The following PPP2R5E variants were observed in gnomAD, a reference collection of about 807,000 sequenced individuals.
PPP2R5E encodes the protein protein phosphatase 2 regulatory subunit B'epsilon, also known as serine/threonine-protein phosphatase 2A 56 kDa regulatory subunit epsilon isoform.
PPP2R5E carries 4 observed loss-of-function variants against 65.3 expected under a neutral mutation model. The observed-to-expected ratio is 0.06, with a 90% CI of 0.03 to 0.14. The LOEUF is 0.14. PPP2R5E is among the 10% of genes least tolerant of loss of function. PPP2R5E has a pLI of 1.00. For missense variants in PPP2R5E, 274 were observed against 556.1 expected, an observed-to-expected ratio of 0.49 and a Z score of 5.10; for synonymous variants, 183 against 187.4, an observed-to-expected ratio of 0.98 and a Z score of 0.19.
intron 2 of PPP2R5E, among the ~76,000 whole-genome samples, chr14:63,516,131 G>T (rs1440468376): frequency 6.6e-6 from 1 of 152,148 alleles, no homozygotes; most frequent in African/African-American, 2.4e-5. Flanking sequence ...TTACAGGCAT[G>T]AGCCACCACA....
intron 4 of PPP2R5E, among the ~76,000 whole-genome samples, chr14:63,417,481 A>T (rs906273699): frequency 7.1e-6 from 1 of 140,342 alleles, no homozygotes; most frequent in South Asian, 2.2e-4. Context: ...ATGATGTTTC[A>T]TGAGGAGGAA....
intron 2 of PPP2R5E, among the ~76,000 whole-genome samples, chr14:63,526,881 T>A (rs1893204624): frequency 6.6e-6 from 1 of 152,194 alleles, no homozygotes; most frequent in African/African-American, 2.4e-5. Context: ...CAAATTAAGT[T>A]TACCTAGGCC....
In PPP2R5E at chr14:63,371,957, T is replaced by C. The variant is rs949731941; in HGVS notation, c.*4052A>G. 3 of 152,104 alleles carry C rather than the reference T, an allele frequency of 2.0e-5. No individual in the cohort carries two copies. Among genetic ancestry groups the C allele is most frequent in the African/African-American group, 7.2e-5 (3 of 41,412 alleles). 9.4% of individuals were successfully genotyped at this position (152,104 alleles called of 1,614,324 possible). On this transcript the variant is annotated 3_prime_UTR_variant, in exon 14 of 14. Coordinates refer to ENST00000337537, the MANE Select transcript of PPP2R5E (RefSeq NM_006246.5). ...AGACAACAACCAGAAAATGCATTGG[T>C]AATATTTATATTTGAAAATTCCCCA...
intron 2 of PPP2R5E, among the ~76,000 whole-genome samples, chr14:63,465,268 C>T (rs1238394269): frequency 7.9e-5 from 12 of 151,932 alleles, no homozygotes. Flanking sequence ...GGCACACCTT[C>T]AAAATTAGTT....
intron 2 of PPP2R5E, among the ~76,000 whole-genome samples, chr14:63,479,822 C>A (rs1427010431): frequency 6.6e-6 from 1 of 152,142 alleles, no homozygotes; most frequent in Non-Finnish European, 1.5e-5. Flanking sequence ...ATGCAAGTGC[C>A]AGTTTTATAC....
intron 4 of PPP2R5E, among the ~76,000 whole-genome samples, chr14:63,417,108 C>T (rs1486406877): frequency 2.0e-5 from 3 of 152,170 alleles, no homozygotes; most frequent in Non-Finnish European, 4.4e-5. Context: ...TTGAATGGAT[C>T]TTTATCCATG....
chr14:63,430,877 T>C (rs1382431408), intron 3 of PPP2R5E, among the ~76,000 whole-genome samples: 1 of 152,216 alleles, frequency 6.6e-6, no homozygotes, highest in Non-Finnish European at 1.5e-5. Flanking sequence ...AGACTAGGTA[T>C]AAAGTCTTTT....
At chr14:63,413,847 A>C (rs1482294430) in intron 5 of PPP2R5E, among the ~76,000 whole-genome samples, 5 of 152,172 alleles carry the variant, frequency 3.3e-5, no homozygotes, top group Admixed American at 6.5e-5. Context: ...CTCTCATGTT[A>C]AAGTGTGAGC....
intron 2 of PPP2R5E, among the ~76,000 whole-genome samples, chr14:63,518,628 A>G (rs891894888): frequency 6.6e-6 from 1 of 152,200 alleles, no homozygotes; most frequent in African/African-American, 2.4e-5. Context: ...TAAATTAGCA[A>G]TATTTTTAAA....
At chr14:63,477,342 T>A (rs1890460296) in intron 2 of PPP2R5E, among the ~76,000 whole-genome samples, 1 of 152,148 alleles carries the variant, frequency 6.6e-6, no homozygotes, top group Non-Finnish European at 1.5e-5. Context: ...GCTTTAATGA[T>A]AACAACAACA....
intron 2 of PPP2R5E, among the ~76,000 whole-genome samples, chr14:63,503,584 C>T (rs1892008565): frequency 6.6e-6 from 1 of 152,188 alleles, no homozygotes; most frequent in Non-Finnish European, 1.5e-5. Flanking sequence ...GGGCAAAAAA[C>T]ACCACATTTA....
intron 11 of PPP2R5E, among the ~76,000 whole-genome samples, chr14:63,387,667 C>T (rs370928586): frequency 6.6e-6 from 1 of 152,158 alleles, no homozygotes. Context: ...AATTTAAAAT[C>T]CTTTTTTCTT....
chr14:63,523,602 A>T (rs908325277), intron 2 of PPP2R5E, among the ~76,000 whole-genome samples: 6 of 150,198 alleles, frequency 4.0e-5, no homozygotes, highest in African/African-American at 1.5e-4. Flanking sequence ...GCCTAGGAAA[A>T]CCAGAGACCT....
chr14:63,472,297 T>C (rs1221502428), intron 2 of PPP2R5E, among the ~76,000 whole-genome samples: 3 of 151,852 alleles, frequency 2.0e-5, no homozygotes, highest in Non-Finnish European at 2.9e-5. Flanking sequence ...TGAATCTCCA[T>C]CTCAAAAAAA....
chr14:63,521,419 A>G (rs1259967151), intron 2 of PPP2R5E, among the ~76,000 whole-genome samples: 1 of 152,226 alleles, frequency 6.6e-6, no homozygotes, highest in Non-Finnish European at 1.5e-5. Context: ...CTGTAATCCC[A>G]GCACTTTGGG....
intron 4 of PPP2R5E, among the ~76,000 whole-genome samples, chr14:63,417,486 G>T: frequency 8.0e-6 from 1 of 124,718 alleles, no homozygotes; most frequent in Non-Finnish European, 1.6e-5. Flanking sequence ...GTTTCATGAG[G>T]AGGAAAAAAA....
At chr14:63,439,001 G>A (rs767568339) in intron 3 of PPP2R5E, among the ~76,000 whole-genome samples, 7 of 151,856 alleles carry the variant, frequency 4.6e-5, no homozygotes, top group Non-Finnish European at 7.4e-5. Flanking sequence ...AAAAAAAAAG[G>A]TATGAAAATA....
intron 13 of PPP2R5E, 67 bp downstream of exon 13, chr14:63,381,989 C>T: frequency 7.6e-7 from 1 of 1,320,094 alleles, no homozygotes; most frequent in Non-Finnish European, 1.0e-6. Context: ...TAGGCAACTT[C>T]AGCAAAGAGC....
chr14:63,503,940 T>C (rs1187408839), intron 2 of PPP2R5E, among the ~76,000 whole-genome samples: 1 of 152,194 alleles, frequency 6.6e-6, no homozygotes, highest in Non-Finnish European at 1.5e-5. Context: ...TCTTTCAAGT[T>C]CTGATTAAGC....
Sources: gnomAD v4.1 joint callset for allele counts (sites outside exome capture counted in the v4.1 genomes callset) on GRCh38, gnomAD v4.1.1 for gene constraint, MANE v1.5 for transcripts, NCBI Gene and HGNC (gene_info 2026-07-23, HGNC 2026-07-21) for gene names.